Variants in BLTP1 observed in about 807,000 individuals in gnomAD.
BLTP1 encodes the protein bridge-like lipid transfer protein family member 1, also known as fragile site-associated protein.
At chr4:122,277,722 T>G in the BLTP1 span, 3 of 983,446 alleles carry the variant, frequency 3.1e-6, no homozygotes, top group African/African-American at 5.2e-5. Flanking sequence ...TTACACTTCC[T>G]CCTTCCTATC....
chr4:122,360,422 TC>T, the BLTP1 span, among the ~76,000 whole-genome samples: 3 of 152,230 alleles, frequency 2.0e-5, no homozygotes, highest in African/African-American at 7.2e-5. Flanking sequence ...CTGTTTTTTT[TC>T]CTTTCATCTC....
At chr4:122,169,211 T>C in the BLTP1 span, among the ~76,000 whole-genome samples, 6 of 152,288 alleles carry the variant, frequency 3.9e-5, no homozygotes, top group Admixed American at 2.0e-4. Flanking sequence ...TACCTTTGCC[T>C]CCCAAAGCAC....
chr4:122,249,835 T>A, the BLTP1 span: 1 of 958,442 alleles, frequency 1.0e-6, no homozygotes, highest in Non-Finnish European at 1.2e-6. Context: ...GGTGAGTGCC[T>A]CATACCAATT....
At chr4:122,322,679 G>A in the BLTP1 span, among the ~76,000 whole-genome samples, 2 of 152,204 alleles carry the variant, frequency 1.3e-5, no homozygotes, top group African/African-American at 2.4e-5. Context: ...GCATTTTATC[G>A]TCTTTTAATG....
chr4:122,316,077 G>C, the BLTP1 span, among the ~76,000 whole-genome samples: 1 of 152,012 alleles, frequency 6.6e-6, no homozygotes, highest in Non-Finnish European at 1.5e-5. Context: ...TGGTACGTGA[G>C]TTATATCTCA....
the BLTP1 span, among the ~76,000 whole-genome samples, chr4:122,275,640 G>T: frequency 6.6e-6 from 1 of 152,074 alleles, no homozygotes; most frequent in Non-Finnish European, 1.5e-5. Context: ...AATGTTTATA[G>T]AACAGATTTT....
the BLTP1 span, chr4:122,186,159 C>T: frequency 6.2e-7 from 1 of 1,612,372 alleles, no homozygotes; most frequent in Non-Finnish European, 8.5e-7. Flanking sequence ...ATAATTCCAC[C>T]TAAGAAAGAT....
the BLTP1 span, chr4:122,341,734 T>C: frequency 0.013 from 12,592 of 985,190 alleles, 267 homozygotes; most frequent in African/African-American, 0.089. Context: ...GGGTCAGTGC[T>C]AGGGCATAGT....
chr4:122,318,691 T>C, the BLTP1 span, among the ~76,000 whole-genome samples: 2 of 152,234 alleles, frequency 1.3e-5, no homozygotes, highest in African/African-American at 4.8e-5. Context: ...TCAGCTACTG[T>C]GCATTGTAAT....
chr4:122,226,064 T>G, the BLTP1 span: 2 of 152,330 alleles, frequency 1.3e-5, no homozygotes, highest in Non-Finnish European at 2.9e-5. Context: ...TTCCATTCTC[T>G]GTATGTTTTA....
the BLTP1 span, chr4:122,279,752 T>C: frequency 2.7e-5 from 43 of 1,602,314 alleles, no homozygotes; most frequent in Non-Finnish European, 3.4e-5. Context: ...TGTATTTTAA[T>C]AGTCTTCTTT....
the BLTP1 span, chr4:122,237,383 C>A: frequency 1.0e-6 from 1 of 983,802 alleles, no homozygotes; most frequent in Non-Finnish European, 1.2e-6. Flanking sequence ...GTTATTTGTT[C>A]ATTCATAAAA....
chr4:122,208,213 T>C, the BLTP1 span: 4 of 711,178 alleles, frequency 5.6e-6, no homozygotes, highest in Non-Finnish European at 6.9e-6. Context: ...CTTTATGTAG[T>C]AACTCAATTC....
the BLTP1 span, chr4:122,293,212 T>C: frequency 3.1e-6 from 3 of 977,576 alleles, no homozygotes; most frequent in African/African-American, 5.3e-5. Context: ...ATTTATACTA[T>C]GAAATAAAAC....
At chr4:122,205,791 CA>C in the BLTP1 span, 1 of 162,158 alleles carries the variant, frequency 6.2e-6, no homozygotes, top group East Asian at 2.0e-4. Flanking sequence ...CACATACACA[CA>C]CACACACACA....
the BLTP1 span, chr4:122,281,701 C>T: frequency 1.2e-6 from 2 of 1,611,410 alleles, no homozygotes; most frequent in Admixed American, 1.7e-5. Context: ...ATGGTATAGC[C>T]ATTGGAGCAG....
At chr4:122,197,835 A>G in the BLTP1 span, 15 of 320,478 alleles carry the variant, frequency 4.7e-5, no homozygotes, top group South Asian at 3.7e-4. Flanking sequence ...CACTTGAAAT[A>G]TGGGCACTGA....
chr4:122,296,645 C>T, the BLTP1 span, among the ~76,000 whole-genome samples: 1 of 152,196 alleles, frequency 6.6e-6, no homozygotes, highest in African/African-American at 2.4e-5. Context: ...TTGGAGGCAT[C>T]ACACTACCTG....
chr4:122,344,698 C>A, the BLTP1 span: 1 of 1,201,234 alleles, frequency 8.3e-7, no homozygotes, highest in Non-Finnish European at 1.1e-6. Context: ...GAGAGGAATG[C>A]CCAGCCTACG....
Sources: gnomAD v4.1 joint callset for allele counts (sites outside exome capture counted in the v4.1 genomes callset) on GRCh38, gnomAD v4.1.1 for gene constraint, MANE v1.5 for transcripts, NCBI Gene and HGNC (gene_info 2026-07-23, HGNC 2026-07-21) for gene names.